TNRC6A: variants seen among roughly 807,000 people sequenced by gnomAD.
TNRC6A encodes trinucleotide repeat-containing gene 6A protein.
A neutral mutation model predicts 221.2 loss-of-function variants in TNRC6A; 44 were observed. The ratio of observed to expected loss-of-function variants is 0.20; its 90% confidence interval spans 0.16 to 0.26. The LOEUF (loss-of-function observed/expected upper bound fraction) is 0.26, where lower values mean the gene tolerates loss of function less well. Among genes scored for constraint, TNRC6A ranks in the 10% least tolerant of loss-of-function variants. The pLI, the probability that TNRC6A is intolerant of heterozygous loss-of-function variation, is 1.00. For missense variants in TNRC6A, 2,199 were observed against 2,404.4 expected, an observed-to-expected ratio of 0.91 and a Z score of 1.79; for synonymous variants, 847 against 838.5, an observed-to-expected ratio of 1.01 and a Z score of -0.18.
At chr16:24,671,303 C>T (rs1480491004) in intron 2 of TNRC6A, among the ~76,000 whole-genome samples, 1 of 152,152 alleles carries the variant, frequency 6.6e-6, no homozygotes, top group East Asian at 1.9e-4. Context: ...TAAGTTTCAT[C>T]GCTTAAGGTC....
chr16:24,754,904 A>G (rs764499913), intron 3 of TNRC6A, among the ~76,000 whole-genome samples: 2 of 152,198 alleles, frequency 1.3e-5, no homozygotes, highest in Admixed American at 6.5e-5. Context: ...ATTGACTTAA[A>G]TATACCAAAT....
intron 18 of TNRC6A, among the ~76,000 whole-genome samples, chr16:24,810,476 A>G (rs994136513): frequency 3.3e-5 from 5 of 152,214 alleles, no homozygotes; most frequent in South Asian, 2.1e-4. Context: ...GTTAATATTT[A>G]TAATAGTTTA....
At chr16:24,798,935 C>G (rs549954504) in intron 11 of TNRC6A, among the ~76,000 whole-genome samples, 7 of 152,322 alleles carry the variant, frequency 4.6e-5, no homozygotes, top group Admixed American at 4.6e-4. Flanking sequence ...GAAAGAACCC[C>G]CTTCCTCTCA....
intron 2 of TNRC6A, among the ~76,000 whole-genome samples, chr16:24,748,254 A>G (rs1395984761): frequency 6.6e-6 from 1 of 152,250 alleles, no homozygotes; most frequent in Non-Finnish European, 1.5e-5. Flanking sequence ...ACTAGTAATC[A>G]GCTTTTAATC....
At chr16:24,781,856 G>A (rs947977286) in intron 5 of TNRC6A, among the ~76,000 whole-genome samples, 3 of 147,546 alleles carry the variant, frequency 2.0e-5, no homozygotes, top group Non-Finnish European at 3.0e-5. Context: ...ATGGAGTCTC[G>A]CTGTTGCCCA....
intron 1 of TNRC6A, 114 bp downstream of exon 1, chr16:24,729,960 C>T (rs1316743766): frequency 6.1e-6 from 6 of 978,988 alleles, no homozygotes; most frequent in South Asian, 4.9e-5. Context: ...CCCGAGACTT[C>T]GGGCCTCGGC....
chr16:24,708,084 ATGAG>A (rs2056133067), intron 2 of TNRC6A, among the ~76,000 whole-genome samples: 1 of 151,872 alleles, frequency 6.6e-6, no homozygotes, highest in African/African-American at 2.4e-5. Context: ...CACACACACA[ATGAG>A]TGAGAGCAGA....
intron 11 of TNRC6A, among the ~76,000 whole-genome samples, chr16:24,798,854 A>ACAAGG (rs1457350974): frequency 6.6e-6 from 1 of 152,256 alleles, no homozygotes. Context: ...CAAGACTTTA[A>ACAAGG]CAAGGAATTG....
At chr16:24,722,490 C>T (rs1214099223) in intron 2 of TNRC6A, among the ~76,000 whole-genome samples, 1 of 151,898 alleles carries the variant, frequency 6.6e-6, no homozygotes, top group African/African-American at 2.4e-5. Flanking sequence ...GGCTGGAGTG[C>T]AGTGGCATGA....
At chr16:24,691,815 AAAG>A (rs1487549915) in intron 2 of TNRC6A, among the ~76,000 whole-genome samples, 1 of 152,026 alleles carries the variant, frequency 6.6e-6, no homozygotes, top group Admixed American at 6.6e-5. Context: ...GGAGGGAAGG[AAAG>A]AAGGACAGAC....
intron 2 of TNRC6A, among the ~76,000 whole-genome samples, chr16:24,664,430 A>C (rs1007632659): frequency 1.2e-4 from 18 of 145,648 alleles, no homozygotes; most frequent in African/African-American, 3.5e-4. Context: ...AATTTAATAA[A>C]TATGAATATA....
At chr16:24,781,424 G>A (rs1481128586) in intron 5 of TNRC6A, among the ~76,000 whole-genome samples, 1 of 152,084 alleles carries the variant, frequency 6.6e-6, no homozygotes, top group Non-Finnish European at 1.5e-5. Flanking sequence ...GTTACTGAAG[G>A]AATAGTCTGT....
intron 2 of TNRC6A, among the ~76,000 whole-genome samples, chr16:24,718,238 G>T (rs564720711): frequency 3.3e-5 from 5 of 152,312 alleles, no homozygotes; most frequent in Admixed American, 6.5e-5. Context: ...TATCTCACGA[G>T]AGCATGTGAG....
intron 2 of TNRC6A, among the ~76,000 whole-genome samples, chr16:24,644,254 T>C (rs1280763398): frequency 1.3e-5 from 2 of 149,488 alleles, no homozygotes; most frequent in Non-Finnish European, 3.0e-5. Flanking sequence ...GCCCAGCTAA[T>C]TTTTTTTTGT....
intron 2 of TNRC6A, among the ~76,000 whole-genome samples, chr16:24,689,598 T>C (rs979998631): frequency 2.6e-5 from 4 of 152,190 alleles, no homozygotes; most frequent in Non-Finnish European, 5.9e-5. Flanking sequence ...TCGGAGCTCC[T>C]ATGTACCAGC....
intron 2 of TNRC6A, among the ~76,000 whole-genome samples, chr16:24,670,549 G>A (rs1468566128): frequency 6.6e-6 from 1 of 152,102 alleles, no homozygotes; most frequent in Non-Finnish European, 1.5e-5. Context: ...GTAAAAATCT[G>A]CTTCTCTTCA....
chr16:24,805,338 T>C, intron 14 of TNRC6A, 187 bp downstream of exon 14: 1 of 1,033,324 alleles, frequency 9.7e-7, no homozygotes, highest in Non-Finnish European at 1.4e-6. Flanking sequence ...AAATCCAAAA[T>C]TTACCATTTT....
chr16:24,764,122 G>T (rs2057420922), intron 4 of TNRC6A, among the ~76,000 whole-genome samples: 1 of 149,792 alleles, frequency 6.7e-6, no homozygotes, highest in African/African-American at 2.5e-5. Flanking sequence ...CCACTATTCT[G>T]TTCTCTGTTT....
intron 20 of TNRC6A, among the ~76,000 whole-genome samples, chr16:24,817,857 A>G (rs10521128): frequency 0.12 from 17,978 of 152,190 alleles, 1,374 homozygotes; most frequent in Non-Finnish European, 0.18. Context: ...TAAGCCAAGC[A>G]TAAATTCTCA....
Sources: allele counts gnomAD v4.1 joint callset (sites outside exome capture counted in the v4.1 genomes callset), GRCh38; gene constraint gnomAD v4.1.1; transcripts MANE v1.5; gene names NCBI Gene and HGNC (gene_info 2026-07-23, HGNC 2026-07-21).